PKP4: variants seen among roughly 807,000 people sequenced by gnomAD.
PKP4 encodes the protein plakophilin 4.
Under a neutral mutation model 145.1 loss-of-function variants are expected in PKP4, and 90 were observed. That is an observed-to-expected ratio of 0.62 (90% CI 0.52 to 0.74). PKP4 has a LOEUF of 0.74. Ranked by LOEUF, PKP4 falls within the 30% of genes least tolerant of loss-of-function variation. PKP4 has a pLI of 0.00. For missense variants in PKP4, 1,340 were observed against 1,482.7 expected (o/e 0.90, Z 1.58); for synonymous variants, 563 against 577.2 (o/e 0.98, Z 0.35).
intron 7 of PKP4, among the ~76,000 whole-genome samples, chr2:158,630,905 C>T (rs1009998867): frequency 4.6e-5 from 7 of 150,630 alleles, no homozygotes; most frequent in African/African-American, 1.5e-4. Flanking sequence ...CTACTTTCAT[C>T]CTGCTGCCAA....
intron 11 of PKP4, among the ~76,000 whole-genome samples, chr2:158,645,467 G>T (rs1302689034): frequency 6.6e-6 from 1 of 152,162 alleles, no homozygotes; most frequent in Non-Finnish European, 1.5e-5. Flanking sequence ...GTGCTTTCCT[G>T]CTTTGTCTGA....
chr2:158,666,504 C>G lies in PKP4; in HGVS notation c.2669C>G (p.Ser890Cys). 6.2e-7 allele frequency: 1 copy of G among 1,613,782 alleles called. No individual in the cohort carries two copies. The highest frequency in any genetic ancestry group is 1.3e-5 in the African/African-American group (1 of 75,022). The change falls in exon 16 of 22, where the codon TCT becomes TGT. Residue 890 changes from serine (S) to cysteine (C), a missense_variant. Physicochemically the swap from Ser to Cys is moderately radical, Grantham distance 112. Coordinates refer to ENST00000389759, the MANE Select transcript of PKP4 (RefSeq NM_003628.6). ...LLRMDNDRVVSSVATALRNMA... is the reference protein window; with the variant it reads ...LLRMDNDRVVCSVATALRNMA... ...AGAATGGATAACGATAGAGTTGTTT[C>G]TTCCGTGGCAACAGCCTTGAGGAAT...
rs763824538 is a variant in PKP4 at position 158,642,602 on chromosome 2, T to C, written c.1812T>C (p.Asp604=). Residue 604 remains aspartate, a synonymous_variant, in exon 11 of 22, where the codon GAT becomes GAC. Coordinates refer to ENST00000389759, the MANE Select transcript of PKP4 (RefSeq NM_003628.6). Reference sequence around the variant, plus strand: ...ACCTCGTTTTTGGCAAGTCTACAGATGAAAATAAAATAGCAATGAAGAATG... The same window carrying C: ...ACCTCGTTTTTGGCAAGTCTACAGACGAAAATAAAATAGCAATGAAGAATG... The part of the protein sequence containing the change: ...LRNLVFGKST[D]ENKIAMKNVG... 2.5e-6 allele frequency: 4 copies of C among 1,613,650 alleles called. No homozygotes were observed. In the Admixed American group the frequency reaches 5.0e-5, roughly 20 times the overall value.
chr2:158,639,104 A>T (rs545083089), intron 9 of PKP4, among the ~76,000 whole-genome samples: 8 of 152,204 alleles, frequency 5.3e-5, no homozygotes, highest in Admixed American at 3.9e-4. Flanking sequence ...TGCTTACCTC[A>T]TGAGGCAACA....
At chr2:158,489,927 T>C (rs1694701688) in intron 1 of PKP4, among the ~76,000 whole-genome samples, 1 of 152,104 alleles carries the variant, frequency 6.6e-6, no homozygotes, top group African/African-American at 2.4e-5. Flanking sequence ...CACAGCCAGT[T>C]ACTTCACCCC....
At chr2:158,611,816 T>G (rs559035088) in intron 4 of PKP4, among the ~76,000 whole-genome samples, 1 of 152,288 alleles carries the variant, frequency 6.6e-6, no homozygotes, top group African/African-American at 2.4e-5. Context: ...TTCCTGTTTC[T>G]CTTCTAAATA....
At chr2:158,533,073 G>A (rs1235062870) in intron 1 of PKP4, 107 bp from the exon 2 acceptor site, 1 of 1,118,432 alleles carries the variant, frequency 8.9e-7, no homozygotes, top group Non-Finnish European at 1.2e-6. Flanking sequence ...TTTGATCATG[G>A]TGTGTAGACT....
At chr2:158,547,378 C>A (rs2045165394) in intron 2 of PKP4, among the ~76,000 whole-genome samples, 1 of 152,122 alleles carries the variant, frequency 6.6e-6, no homozygotes, top group South Asian at 2.1e-4. Context: ...TCTCAAAAAT[C>A]TGCTGAGTGA....
intron 2 of PKP4, among the ~76,000 whole-genome samples, chr2:158,564,609 A>G (rs1254546775): frequency 6.6e-6 from 1 of 152,182 alleles, no homozygotes. Flanking sequence ...TCCCATGAAC[A>G]GTACGTGTAA....
At chr2:158,586,136 C>T (rs2048784776) in intron 3 of PKP4, among the ~76,000 whole-genome samples, 1 of 152,146 alleles carries the variant, frequency 6.6e-6, no homozygotes, top group Admixed American at 6.5e-5. Context: ...AATATTCCAT[C>T]ATGTAGATAT....
intron 3 of PKP4, among the ~76,000 whole-genome samples, chr2:158,602,587 A>G (rs1381913077): frequency 1.3e-5 from 2 of 152,186 alleles, no homozygotes; most frequent in Non-Finnish European, 2.9e-5. Context: ...AGGACCTTAT[A>G]TTTTTGATAT....
chr2:158,660,862 C>T (rs1361709965), intron 12 of PKP4: 3 of 153,466 alleles, frequency 2.0e-5, no homozygotes, highest in Admixed American at 1.9e-4. Context: ...CAGGGGACTG[C>T]AAGAAGCTTC....
Position 158,625,061 on chromosome 2 carries a change from TCCA to T in PKP4, c.792_794del (p.Thr265del). 1 of 1,614,146 alleles carries T rather than the reference TCCA, an allele frequency of 6.2e-7. No homozygotes were observed. Among genetic ancestry groups the T allele is most frequent in the Non-Finnish European group, 8.5e-7 (1 of 1,180,030 alleles). On this transcript the variant is annotated inframe_deletion, in exon 7 of 22. Coordinates refer to ENST00000389759, the MANE Select transcript of PKP4 (RefSeq NM_003628.6). The stretch of plus-strand genomic sequence containing the variant: ...ACCTCTGAACCCCAGTGCATATTCC[TCCA>T]CCACATTACCTGCTGCACGGGCAGC...
rs115182316 is a variant in PKP4, at chr2:158,461,462, T to C, written c.-6+4244T>C. Among the ~76,000 whole-genome samples the C allele has an allele frequency of 3.0e-3, 461 of 152,298 alleles. 2 individuals are homozygous for C. The highest frequency in any genetic ancestry group is 9.8e-3 in the African/African-American group (409 of 41,554). On this transcript the variant is annotated intron_variant, in intron 1 of 21. Coordinates refer to ENST00000389759, the MANE Select transcript of PKP4 (RefSeq NM_003628.6). ...ATTCATTGCAGCTGATAAAATGTTG[T>C]TAGGGATTGTATTGTGAGATTTTAT...
intron 1 of PKP4, among the ~76,000 whole-genome samples, chr2:158,495,467 T>C (rs758536746): frequency 6.6e-6 from 1 of 152,064 alleles, no homozygotes; most frequent in Non-Finnish European, 1.5e-5. Flanking sequence ...GAGTCGCTTA[T>C]ACTCTCAAAA....
intron 3 of PKP4, chr2:158,578,407 C>T (rs190546676): frequency 5.3e-4 from 81 of 154,006 alleles, no homozygotes; most frequent in Non-Finnish European, 3.5e-4. Flanking sequence ...TATAAATATC[C>T]AGGAAGGTTT....
chr2:158,576,622 T>C (rs575984402), intron 2 of PKP4, among the ~76,000 whole-genome samples: 128 of 152,370 alleles, frequency 8.4e-4, no homozygotes, highest in African/African-American at 2.8e-3. Context: ...TTCTGTAGAC[T>C]ATCTTCCAGC....
chr2:158,680,776 A>G lies in PKP4; in HGVS notation c.*99A>G. ...ATTTGATGATTGAAATGTGAAAGTG[A>G]AGTGGAAGGAATGAATGAAGTGTGT... is the stretch of plus-strand genomic sequence containing the variant. On this transcript the variant is annotated 3_prime_UTR_variant, in exon 22 of 22. Coordinates refer to ENST00000389759, the MANE Select transcript of PKP4 (RefSeq NM_003628.6). 1 of 1,071,894 alleles carries G rather than the reference A, an allele frequency of 9.3e-7. No homozygotes were observed. Among genetic ancestry groups the G allele is most frequent in the Non-Finnish European group, 1.4e-6 (1 of 737,260 alleles). The allele number at this position is 1,071,894 out of a possible 1,614,324, so 66.4% of individuals were successfully genotyped here.
At chr2:158,674,435 T>G (rs972422237) in intron 19 of PKP4, among the ~76,000 whole-genome samples, 1 of 152,198 alleles carries the variant, frequency 6.6e-6, no homozygotes, top group Non-Finnish European at 1.5e-5. Context: ...GTGAAACCTT[T>G]TAGAAGCAGG....
Sources: allele counts gnomAD v4.1 joint callset (sites outside exome capture counted in the v4.1 genomes callset), GRCh38; gene constraint gnomAD v4.1.1; transcripts MANE v1.5; gene names NCBI Gene and HGNC (gene_info 2026-07-23, HGNC 2026-07-21).